Variants in SNTG1 observed in about 807,000 individuals in gnomAD.
SNTG1 encodes syntrophin gamma 1.
In SNTG1, 39 loss-of-function variants were observed where a neutral mutation model predicts 74.7. That is an observed-to-expected ratio of 0.52 (90% CI 0.40 to 0.68). SNTG1 has a LOEUF of 0.68. Among genes scored for constraint, SNTG1 ranks in the 30% least tolerant of loss-of-function variants. The pLI is 0.00. For synonymous variants in SNTG1, 254 were observed against 217.1 expected (o/e 1.17, Z -1.49); for missense variants, 685 against 609.5 (o/e 1.12, Z -1.30).
At chr8:50,539,432 C>T (rs992748637) in intron 11 of SNTG1, among the ~76,000 whole-genome samples, 1 of 152,018 alleles carries the variant, frequency 6.6e-6, no homozygotes, top group Non-Finnish European at 1.5e-5. Flanking sequence ...GAGGGCTATT[C>T]ATATTTCTTG....
intron 1 of SNTG1, among the ~76,000 whole-genome samples, chr8:50,118,987 G>A (rs2080913611): frequency 7.1e-6 from 1 of 140,446 alleles, no homozygotes; most frequent in African/African-American, 2.6e-5. Context: ...AATACGGCAG[G>A]ATGCACTGGC....
rs190925895 is a variant in SNTG1, at chr8:50,356,558, C to T, written c.-27-37654C>T. ...TTCTGGAGTCTGGGAAGCCCAAGAT[C>T]AAGATGCCGGCATCCGCTGTCTGGT... On this transcript the variant is annotated intron_variant, in intron 2 of 18. Coordinates refer to ENST00000642720, the MANE Select transcript of SNTG1 (RefSeq NM_018967.5). 2.0e-5 allele frequency among the ~76,000 whole-genome samples: 3 copies of T among 152,268 alleles called. No homozygotes were observed. The East Asian group carries it at 5.8e-4, about 29-fold the overall frequency.
chr8:50,730,433 AT>A (rs2095510233), intron 17 of SNTG1, among the ~76,000 whole-genome samples: 1 of 152,190 alleles, frequency 6.6e-6, no homozygotes, highest in South Asian at 2.1e-4. Flanking sequence ...ATTTCACACT[AT>A]TTTGGCACTA....
At chr8:50,581,608 G>C (rs1490445349) in intron 12 of SNTG1, among the ~76,000 whole-genome samples, 2 of 152,010 alleles carry the variant, frequency 1.3e-5, no homozygotes, top group Admixed American at 6.6e-5. Flanking sequence ...AAAAAAATTA[G>C]AGATTAGTAT....
intron 15 of SNTG1, among the ~76,000 whole-genome samples, chr8:50,660,749 T>C (rs1046961374): frequency 2.0e-5 from 3 of 152,206 alleles, no homozygotes; most frequent in Non-Finnish European, 4.4e-5. Flanking sequence ...CAGTTTACTA[T>C]AGTAGTTAAA....
chr8:50,086,995 A>G (rs1822949087), intron 1 of SNTG1, among the ~76,000 whole-genome samples: 1 of 152,154 alleles, frequency 6.6e-6, no homozygotes, highest in African/African-American at 2.4e-5. Context: ...TTCTAAGGCA[A>G]GGTCATTGTT....
intron 4 of SNTG1, among the ~76,000 whole-genome samples, chr8:50,414,119 T>C (rs148313039): frequency 4.9e-4 from 74 of 152,298 alleles, no homozygotes; most frequent in African/African-American, 1.7e-3. Flanking sequence ...CCTCCTGGGA[T>C]TTCTCACTGT....
rs185931800 is a variant in SNTG1 at position 50,289,472 on chromosome 8, G to A, written c.-27-104740G>A. On this transcript the variant is annotated intron_variant, in intron 2 of 18. Coordinates refer to ENST00000642720, the MANE Select transcript of SNTG1 (RefSeq NM_018967.5). ...TGTACTTCCTCTTGCTTATACCTTA[G>A]TTATAGTGAGACAGTGCTGTGCACC... 3.7e-3 allele frequency among the ~76,000 whole-genome samples: 562 copies of A among 152,236 alleles called. 9 individuals are homozygous for A. Among genetic ancestry groups the A allele is most frequent in the African/African-American group, 0.013 (540 of 41,544 alleles).
At chr8:50,406,881 G>T in intron 4 of SNTG1, among the ~76,000 whole-genome samples, 1 of 151,934 alleles carries the variant, frequency 6.6e-6, no homozygotes, top group East Asian at 1.9e-4. Flanking sequence ...CCCCTGTCCC[G>T]GGAAGGAATT....
intron 8 of SNTG1, among the ~76,000 whole-genome samples, chr8:50,481,359 C>A (rs1274943739): frequency 6.6e-6 from 1 of 152,056 alleles, no homozygotes; most frequent in South Asian, 2.1e-4. Context: ...CCAGCATGGG[C>A]GACAGAGTGA....
chr8:50,224,536 T>C (rs1441395756), intron 2 of SNTG1, among the ~76,000 whole-genome samples: 1 of 152,184 alleles, frequency 6.6e-6, no homozygotes, highest in Non-Finnish European at 1.5e-5. Context: ...TTCTCCTCTA[T>C]CCGTAAAACA....
chr8:50,631,154 G>C (rs974377720), intron 13 of SNTG1, among the ~76,000 whole-genome samples: 1 of 152,086 alleles, frequency 6.6e-6, no homozygotes, highest in African/African-American at 2.4e-5. Flanking sequence ...TAATTCTTAT[G>C]GTATGTAAAA....
chr8:50,019,834 G>A (rs1816659612), intron 1 of SNTG1, among the ~76,000 whole-genome samples: 1 of 151,906 alleles, frequency 6.6e-6, no homozygotes, highest in South Asian at 2.1e-4. Context: ...GGTCCTGCTG[G>A]GTGTGAAACA....
At chr8:50,764,061 A>C (rs544989149) in intron 18 of SNTG1, among the ~76,000 whole-genome samples, 1 of 151,818 alleles carries the variant, frequency 6.6e-6, no homozygotes, top group Admixed American at 6.6e-5. Flanking sequence ...AATGGCCCCA[A>C]TAATACAAAA....
rs16913879 is a variant in SNTG1, at chr8:49,919,211, T to C, written c.-103+6980T>C. Among the ~76,000 whole-genome samples the C allele has an allele frequency of 1.7e-3, 260 of 152,268 alleles. 2 individuals carry two copies. Among genetic ancestry groups the C allele is most frequent in the African/African-American group, 5.7e-3 (239 of 41,576 alleles). ...TGTTTCCTTCCCAAATCCAGTTCAC[T>C]TCCTCAATAGTTCCAGTAGATGTAC... is the stretch of plus-strand genomic sequence containing the variant. On this transcript the variant is annotated intron_variant, in intron 1 of 18. Coordinates refer to ENST00000642720, the MANE Select transcript of SNTG1 (RefSeq NM_018967.5).
At chr8:50,341,335 T>A (rs1031623419) in intron 2 of SNTG1, among the ~76,000 whole-genome samples, 1 of 151,934 alleles carries the variant, frequency 6.6e-6, no homozygotes, top group Admixed American at 6.6e-5. Context: ...TAACATATTT[T>A]TTCTCTGCTT....
At chr8:50,579,456 C>G (rs959292945) in intron 12 of SNTG1, among the ~76,000 whole-genome samples, 10 of 152,216 alleles carry the variant, frequency 6.6e-5, no homozygotes, top group Admixed American at 1.3e-4. Flanking sequence ...AGTTAATTAC[C>G]AAGACAATGG....
chr8:49,957,731 G>A (rs1482249559), intron 1 of SNTG1, among the ~76,000 whole-genome samples: 1 of 152,236 alleles, frequency 6.6e-6, no homozygotes. Context: ...AGAGTTGACC[G>A]AAAGGGGTGA....
At chr8:50,271,147 A>C (rs2087756076) in intron 2 of SNTG1, among the ~76,000 whole-genome samples, 1 of 152,192 alleles carries the variant, frequency 6.6e-6, no homozygotes, top group Admixed American at 6.6e-5. Flanking sequence ...ATTAAGGGAG[A>C]AGATTATAGA....
Sources: allele counts gnomAD v4.1 joint callset (sites outside exome capture counted in the v4.1 genomes callset), GRCh38; gene constraint gnomAD v4.1.1; transcripts MANE v1.5; gene names NCBI Gene and HGNC (gene_info 2026-07-23, HGNC 2026-07-21).